CLASP1: variants seen among roughly 807,000 people sequenced by gnomAD.
CLASP1 encodes CLIP-associating protein 1.
In CLASP1, 38 loss-of-function variants were observed where a neutral mutation model predicts 192.3. The observed-to-expected ratio is 0.20, with a 90% CI of 0.15 to 0.26. The LOEUF is 0.26. Ranked by LOEUF, CLASP1 falls within the 10% of genes least tolerant of loss-of-function variation. The pLI, the probability that CLASP1 is intolerant of heterozygous loss-of-function variation, is 1.00. For missense variants in CLASP1, 1,433 were observed against 1,932.5 expected, an observed-to-expected ratio of 0.74 and a Z score of 4.85; for synonymous variants, 691 against 712.8, an observed-to-expected ratio of 0.97 and a Z score of 0.49.
chr2:121,427,368 C>T (rs1171652491), intron 21 of CLASP1, 36 bp downstream of exon 21: 24 of 1,609,700 alleles, frequency 1.5e-5, no homozygotes, highest in Non-Finnish European at 1.7e-5. Flanking sequence ...CCAACAACAA[C>T]AACAACAAAA....
intron 1 of CLASP1, among the ~76,000 whole-genome samples, chr2:121,632,795 C>G (rs567430346): frequency 8.6e-5 from 13 of 151,700 alleles, no homozygotes; most frequent in African/African-American, 3.1e-4. Context: ...ACTAGGGAGA[C>G]TGAGACAGGA....
intron 19 of CLASP1, among the ~76,000 whole-genome samples, chr2:121,440,123 CG>C (rs937108443): frequency 3.3e-5 from 5 of 150,460 alleles, no homozygotes; most frequent in African/African-American, 1.2e-4. Context: ...ACTAAGCCCT[CG>C]GGGACAGCCT....
At chr2:121,388,132 T>A in intron 30 of CLASP1, 1 of 413,332 alleles carries the variant, frequency 2.4e-6, no homozygotes, top group Non-Finnish European at 4.3e-6. Flanking sequence ...GGCCTTGGAA[T>A]TCCACAGCAC....
intron 2 of CLASP1, among the ~76,000 whole-genome samples, chr2:121,587,055 G>C (rs982042423): frequency 2.0e-5 from 3 of 151,894 alleles, no homozygotes; most frequent in Non-Finnish European, 4.4e-5. Context: ...AGCCTGGCCA[G>C]CATGGTGAAA....
At chr2:121,525,342 T>C (rs1290835701) in intron 6 of CLASP1, among the ~76,000 whole-genome samples, 1 of 152,160 alleles carries the variant, frequency 6.6e-6, no homozygotes, top group Admixed American at 6.5e-5. Flanking sequence ...TTAGGTAAAG[T>C]CTGCAGTTCT....
Position 121,447,646 on chromosome 2 carries a change from C to G in CLASP1, c.1742-139G>C. The G allele has an allele frequency of 4.1e-6, 3 of 727,938 alleles. No individual in the cohort carries two copies. In the South Asian group the frequency reaches 5.8e-5, roughly 14 times the overall value. The allele number at this position is 727,938 out of a possible 1,614,324, so 45.1% of individuals were successfully genotyped here. A position where few individuals can be genotyped will look rare whatever the true frequency, so the allele number is the denominator to read the frequency against. On this transcript the variant is annotated intron_variant, in intron 18 of 39. Coordinates refer to ENST00000263710, the Ensembl canonical transcript of CLASP1. ...TGCTGGAGCATAAAAAACTGACAAA[C>G]AGTTTCTCCTGGTCCCTGAAGAGAG...
At chr2:121,625,216 T>C (rs114191562) in intron 1 of CLASP1, among the ~76,000 whole-genome samples, 1,667 of 152,210 alleles carry the variant, frequency 0.011, 31 homozygotes, top group African/African-American at 0.038. Flanking sequence ...AGAAAAAAAA[T>C]TGTCAATTAT....
chr2:121,530,862 C>A, intron 2 of CLASP1: 1 of 677,906 alleles, frequency 1.5e-6, no homozygotes, highest in East Asian at 2.7e-5. Flanking sequence ...TGCTTGCAGC[C>A]CAGGGACTTT....
chr2:121,520,581 G>A (rs189514598), intron 6 of CLASP1, among the ~76,000 whole-genome samples: 1 of 152,368 alleles, frequency 6.6e-6, no homozygotes, highest in Admixed American at 6.5e-5. Flanking sequence ...GTTTCAAGAT[G>A]TTTTAGGCTT....
At position 121,529,357 on chromosome 2, in the gene CLASP1, T is replaced by C. The variant is rs1485291878; in HGVS notation, c.275-577A>G. Among the ~76,000 whole-genome samples the C allele has an allele frequency of 2.0e-5, 3 of 152,176 alleles. 1 individual carries two copies. The highest frequency in any genetic ancestry group is 4.1e-4 in the South Asian group (2 of 4,834). ...TAAGAGTTTGTAAACCTCTATTACATGAGATATCCCTGAATAATTCAGCTA... is the reference window on the plus strand; with the variant it reads ...TAAGAGTTTGTAAACCTCTATTACACGAGATATCCCTGAATAATTCAGCTA... On this transcript the variant is annotated intron_variant, in intron 3 of 39. Coordinates refer to ENST00000263710, the Ensembl canonical transcript of CLASP1.
chr2:121,419,393 T>G (rs72967370), intron 22 of CLASP1, among the ~76,000 whole-genome samples: 6,043 of 152,238 alleles, frequency 0.04, 158 homozygotes, highest in East Asian at 0.14. Flanking sequence ...TTTCCTTTAC[T>G]GATCCCAACA....
intron 37 of CLASP1, among the ~76,000 whole-genome samples, 156 bp downstream of exon 38, chr2:121,363,016 C>T (rs770314496): frequency 4.6e-5 from 7 of 152,196 alleles, no homozygotes; most frequent in South Asian, 4.1e-4. Flanking sequence ...TCAGCAAGGA[C>T]GACAGCAATG....
At chr2:121,376,949 C>T (rs2149321693) in intron 34 of CLASP1, among the ~76,000 whole-genome samples, 1 of 152,316 alleles carries the variant, frequency 6.6e-6, no homozygotes, top group African/African-American at 2.4e-5. Context: ...AGGGCTCCCA[C>T]TGATTCTACA....
At chr2:121,575,271 G>A (rs562849648) in intron 2 of CLASP1, among the ~76,000 whole-genome samples, 25 of 151,846 alleles carry the variant, frequency 1.6e-4, no homozygotes, top group Non-Finnish European at 2.5e-4. Context: ...CACCATGCCC[G>A]GCTAATTTTT....
chr2:121,523,035 G>A (rs980117688), intron 6 of CLASP1, among the ~76,000 whole-genome samples: 1 of 152,202 alleles, frequency 6.6e-6, no homozygotes, highest in Admixed American at 6.5e-5. Context: ...CTCTCATAAG[G>A]ATTGAGGGGT....
chr2:121,407,448 C>A lies in CLASP1; in HGVS notation c.2669+23G>T. On this transcript the variant is annotated intron_variant, in intron 25 of 39. Transcript: ENST00000263710. Reference sequence around the variant, plus strand: ...TCCAACAGGAGATTCAAACTTAGCTCATATTCTTGCTGTGGTCCTCACCTC... The same window carrying A: ...TCCAACAGGAGATTCAAACTTAGCTAATATTCTTGCTGTGGTCCTCACCTC... 1.9e-6 allele frequency: 3 copies of A among 1,612,680 alleles called. No individual in the cohort carries two copies. The South Asian group carries it at 3.3e-5, about 18-fold the overall frequency.
chr2:121,453,239 G>A (rs1179651126), intron 14 of CLASP1, among the ~76,000 whole-genome samples: 5 of 152,176 alleles, frequency 3.3e-5, no homozygotes, highest in Admixed American at 3.3e-4. Context: ...AGACTGCAAT[G>A]AACTATGATT....
At chr2:121,509,065 T>C (rs1366266219) in intron 7 of CLASP1, among the ~76,000 whole-genome samples, 1 of 152,218 alleles carries the variant, frequency 6.6e-6, no homozygotes, top group Non-Finnish European at 1.5e-5. Flanking sequence ...GTACATTCCT[T>C]AATGGATTTT....
At chr2:121,344,553 A>C (rs867122607) in intron 39 of CLASP1, among the ~76,000 whole-genome samples, 17 of 149,564 alleles carry the variant, frequency 1.1e-4, no homozygotes, top group African/African-American at 4.2e-4. Context: ...CTGGTCTTGA[A>C]CTCCTGACCT....
Sources: allele counts gnomAD v4.1 joint callset (sites outside exome capture counted in the v4.1 genomes callset), GRCh38; gene constraint gnomAD v4.1.1; transcripts MANE v1.5; gene names NCBI Gene and HGNC (gene_info 2026-07-23, HGNC 2026-07-21).